CHLSN: variants seen among roughly 807,000 people sequenced by gnomAD.
The protein encoded by CHLSN is protein cholesin.
At chr7:1,136,506 A>T in the CHLSN span, among the ~76,000 whole-genome samples, 2 of 112,618 alleles carry the variant, frequency 1.8e-5, no homozygotes, top group Non-Finnish European at 3.4e-5. Context: ...ATAAATATAT[A>T]TAAACATATA....
At chr7:1,066,991 G>A in the CHLSN span, among the ~76,000 whole-genome samples, 3 of 149,378 alleles carry the variant, frequency 2.0e-5, no homozygotes, top group Non-Finnish European at 4.4e-5. Flanking sequence ...AGGGTTTGGG[G>A]CACAGTCTGT....
At chr7:984,661 G>C in the CHLSN span, 1 of 1,484,530 alleles carries the variant, frequency 6.7e-7, no homozygotes, top group Non-Finnish European at 8.9e-7. Context: ...AGCGGGAGAG[G>C]CTCCCAGGGT....
chr7:1,132,915 G>C, the CHLSN span, among the ~76,000 whole-genome samples: 1 of 152,084 alleles, frequency 6.6e-6, no homozygotes. Flanking sequence ...ACACAGCTCA[G>C]CATCGGGTCA....
chr7:994,308 C>G, the CHLSN span, among the ~76,000 whole-genome samples: 37 of 152,128 alleles, frequency 2.4e-4, no homozygotes, highest in Non-Finnish European at 3.4e-4. Flanking sequence ...CTACAGGCGC[C>G]CACCACCACA....
the CHLSN span, among the ~76,000 whole-genome samples, chr7:1,005,084 G>A: frequency 8.5e-5 from 13 of 152,352 alleles, no homozygotes; most frequent in East Asian, 2.5e-3. Context: ...AAGGTCAGGA[G>A]ACTAAGACCA....
chr7:985,355 G>T, the CHLSN span: 5 of 1,544,506 alleles, frequency 3.2e-6, no homozygotes, highest in Non-Finnish European at 4.4e-6. Flanking sequence ...TTGGGGTGGG[G>T]TGGAGCCTGG....
chr7:1,019,616 G>A, the CHLSN span, among the ~76,000 whole-genome samples: 3 of 152,232 alleles, frequency 2.0e-5, no homozygotes, highest in African/African-American at 7.2e-5. Flanking sequence ...TGGGCAGAGG[G>A]GAGGCTGCGC....
chr7:1,057,334 G>A, the CHLSN span, among the ~76,000 whole-genome samples: 8 of 152,116 alleles, frequency 5.3e-5, no homozygotes, highest in Admixed American at 1.3e-4. Context: ...ATTTTTCAAC[G>A]CTCAACTTCA....
At chr7:1,124,610 G>C in the CHLSN span, among the ~76,000 whole-genome samples, 1 of 149,980 alleles carries the variant, frequency 6.7e-6, no homozygotes, top group East Asian at 2.0e-4. Context: ...TATACCTAAT[G>C]CTAGATGACG....
At chr7:1,114,122 T>G in the CHLSN span, among the ~76,000 whole-genome samples, 1 of 152,202 alleles carries the variant, frequency 6.6e-6, no homozygotes, top group Non-Finnish European at 1.5e-5. Flanking sequence ...ACGGCCCTGA[T>G]CATTTCCCAC....
chr7:1,051,296 G>A, the CHLSN span, among the ~76,000 whole-genome samples: 1 of 152,242 alleles, frequency 6.6e-6, no homozygotes, highest in South Asian at 2.1e-4. Flanking sequence ...GCTCTCTAGG[G>A]TGCACCTGGT....
At chr7:1,064,898 C>A in the CHLSN span, among the ~76,000 whole-genome samples, 1 of 152,204 alleles carries the variant, frequency 6.6e-6, no homozygotes, top group African/African-American at 2.4e-5. Flanking sequence ...TGGGAAACGC[C>A]GGGTCAAGCG....
chr7:1,008,837 ACACACGC>A, the CHLSN span, among the ~76,000 whole-genome samples: 13 of 127,386 alleles, frequency 1.0e-4, no homozygotes, highest in Non-Finnish European at 1.7e-4. Flanking sequence ...CAACGTGTAT[ACACACGC>A]ACACACGTAA....
At chr7:1,138,198 CCTGCGCCCACGTCGCCCA>C in the CHLSN span, 1 of 55,200 alleles carries the variant, frequency 1.8e-5, no homozygotes, top group African/African-American at 1.4e-4. Flanking sequence ...CCTGCGCCCA[CCTGCGCCCACGTCGCCCA>C]CCTAAGCGTG....
the CHLSN span, among the ~76,000 whole-genome samples, chr7:992,432 G>A: frequency 0.013 from 1,909 of 152,344 alleles, 38 homozygotes; most frequent in African/African-American, 0.039. Context: ...TCTGAGTGCC[G>A]GGCTGGCCGG....
the CHLSN span, chr7:986,565 G>GATCA: frequency 6.3e-7 from 1 of 1,585,164 alleles, no homozygotes; most frequent in East Asian, 2.2e-5. Context: ...ATCACCGCCT[G>GATCA]CCCAGCGTGC....
chr7:987,114 A>G, the CHLSN span: 2 of 1,549,558 alleles, frequency 1.3e-6, no homozygotes, highest in Non-Finnish European at 8.7e-7. Context: ...CAGGGGGATG[A>G]CCCCGAGGGC....
At chr7:1,019,204 A>C in the CHLSN span, among the ~76,000 whole-genome samples, 1 of 86,758 alleles carries the variant, frequency 1.2e-5, no homozygotes, top group East Asian at 3.7e-4. Context: ...AAAAAAAAAA[A>C]AAAAAAACGG....
At chr7:1,070,860 ACACGGGTG>A in the CHLSN span, among the ~76,000 whole-genome samples, 17 of 138,352 alleles carry the variant, frequency 1.2e-4, no homozygotes, top group Non-Finnish European at 2.7e-4. Context: ...ACGGACATGC[ACACGGGTG>A]CGCACACGTG....
Sources: gnomAD v4.1 joint callset for allele counts (sites outside exome capture counted in the v4.1 genomes callset) on GRCh38, gnomAD v4.1.1 for gene constraint, MANE v1.5 for transcripts, NCBI Gene and HGNC (gene_info 2026-07-23, HGNC 2026-07-21) for gene names.